The following CDK14 variants were observed in gnomAD, a reference collection of about 807,000 sequenced individuals.
CDK14 encodes cyclin dependent kinase 14.
A neutral mutation model predicts 60.7 loss-of-function variants in CDK14; 34 were observed. The ratio of observed to expected loss-of-function variants is 0.56; its 90% CI spans 0.43 to 0.75. The LOEUF (loss-of-function observed/expected upper bound fraction) is 0.75. Among genes scored for constraint, CDK14 ranks in the 30% least tolerant of loss-of-function variants. The pLI, the probability that CDK14 is intolerant of heterozygous loss-of-function variation, is 0.00. For synonymous variants in CDK14, 197 were observed against 203.7 expected, an observed-to-expected ratio of 0.97 and a Z score of 0.28; for missense variants, 482 against 564.1, an observed-to-expected ratio of 0.85 and a Z score of 1.47.
intron 9 of CDK14, among the ~76,000 whole-genome samples, chr7:90,966,235 GCTT>G (rs1329736482): frequency 6.6e-6 from 1 of 151,736 alleles, no homozygotes; most frequent in African/African-American, 2.4e-5. Context: ...AAAAAAATCA[GCTT>G]CCATATATAA....
intron 2 of CDK14, among the ~76,000 whole-genome samples, chr7:90,707,294 T>C (rs1801919210): frequency 6.6e-6 from 1 of 152,190 alleles, no homozygotes; most frequent in African/African-American, 2.4e-5. Context: ...AGTATAGATT[T>C]TCCCTTTCCA....
At position 90,785,803 on chromosome 7, in the gene CDK14, AAAAGAG is replaced by A. The variant is rs1383746602; in HGVS notation, c.465-4766_465-4761del. Reference sequence around the variant, plus strand: ...CTCCGTCTCAAAAAAAAAAAAAAAAAAAAGAGAAAACTTCTAGACCTTGCTTTACTC... The same window carrying A: ...CTCCGTCTCAAAAAAAAAAAAAAAAAAAAACTTCTAGACCTTGCTTTACTC... On this transcript the variant is annotated intron_variant, in intron 4 of 14. Coordinates refer to ENST00000380050, the MANE Select transcript of CDK14 (RefSeq NM_001287135.2). Among the ~76,000 whole-genome samples the A allele has an allele frequency of 3.3e-5, 5 of 149,318 alleles. No individual in the cohort carries two copies. The Admixed American group carries it at 3.4e-4, about 10-fold the overall frequency.
At chr7:90,918,961 T>G (rs1000719053) in intron 8 of CDK14, among the ~76,000 whole-genome samples, 12 of 152,208 alleles carry the variant, frequency 7.9e-5, no homozygotes, top group Non-Finnish European at 1.3e-4. Context: ...TGAAATTCTG[T>G]GCACATTAGT....
chr7:90,721,611 C>G (rs1802456872), intron 2 of CDK14, among the ~76,000 whole-genome samples: 1 of 152,126 alleles, frequency 6.6e-6, no homozygotes, highest in Admixed American at 6.6e-5. Flanking sequence ...GCACTGTGAA[C>G]TGGAATCTAT....
intron 2 of CDK14, among the ~76,000 whole-genome samples, chr7:90,662,697 C>T (rs987970070): frequency 6.6e-6 from 1 of 152,158 alleles, no homozygotes; most frequent in Non-Finnish European, 1.5e-5. Flanking sequence ...TGCTATGCAC[C>T]ATGAGCTGTT....
chr7:91,197,993 A>C (rs1802601231), intron 14 of CDK14, among the ~76,000 whole-genome samples: 1 of 152,208 alleles, frequency 6.6e-6, no homozygotes, highest in Non-Finnish European at 1.5e-5. Context: ...CGTGTTGTGA[A>C]GCAGGTACAT....
In CDK14 at chr7:90,747,673, A is replaced by AT; in HGVS notation, c.370-3dup. The AT allele has an allele frequency of 6.4e-7, 1 of 1,562,960 alleles. No homozygotes were observed. The highest frequency in any genetic ancestry group is 8.7e-7 in the Non-Finnish European group (1 of 1,148,094). On this transcript the variant is annotated splice_region_variant and splice_polypyrimidine_tract_variant and intron_variant, in intron 3 of 14. Transcript: ENST00000380050. ...ATCTGTTTTGTTTACCCTGTGCTTC[A>AT]TTTTTAGCCAACAAGTCCCAAATTT...
At chr7:90,824,109 C>T (rs1053934099) in intron 5 of CDK14, among the ~76,000 whole-genome samples, 108 of 152,120 alleles carry the variant, frequency 7.1e-4, no homozygotes, top group African/African-American at 2.5e-3. Context: ...GTTATATTAA[C>T]AGATGTAGGT....
Position 90,742,954 on chromosome 7 carries a change from A to G in CDK14, c.370-4727A>G, listed in dbSNP as rs1455687104. 2.0e-5 allele frequency among the ~76,000 whole-genome samples: 3 copies of G among 152,180 alleles called. No individual in the cohort carries two copies. The East Asian group carries it at 5.8e-4, about 29-fold the overall frequency. On this transcript the variant is annotated intron_variant, in intron 3 of 14. Transcript: ENST00000380050. Reference sequence around the variant, plus strand: ...GGAATATACATGAGATATCTTAGGAAGGGGACCCCAAGTCTAAACATTAAA... The same window carrying G: ...GGAATATACATGAGATATCTTAGGAGGGGGACCCCAAGTCTAAACATTAAA...
At chr7:91,048,592 T>G (rs1378127136) in intron 11 of CDK14, among the ~76,000 whole-genome samples, 1 of 152,216 alleles carries the variant, frequency 6.6e-6, no homozygotes, top group African/African-American at 2.4e-5. Context: ...CAAACTGTTG[T>G]CCAAAGGGGT....
chr7:91,110,917 T>C (rs1003823511), intron 12 of CDK14, among the ~76,000 whole-genome samples: 19 of 152,144 alleles, frequency 1.2e-4, no homozygotes, highest in African/African-American at 4.3e-4. Flanking sequence ...GAATGAAAAG[T>C]TGTACTAGTG....
chr7:91,103,844 A>G (rs62468509), intron 12 of CDK14, among the ~76,000 whole-genome samples: 4,376 of 144,822 alleles, frequency 0.03, 219 homozygotes, highest in African/African-American at 0.096. Context: ...GAGAGAGAGA[A>G]AGAGAGAGAG....
chr7:91,126,729 C>A lies in CDK14; in HGVS notation c.*28+8521C>A, dbSNP rs572765160. On this transcript the variant is annotated intron_variant, in intron 14 of 14. Coordinates refer to ENST00000380050, the MANE Select transcript of CDK14 (RefSeq NM_001287135.2). ...ATTCAGTTGTGTCCTAATTTTCCCACCAGTTTTTCAGTGTTTCAGCTGCCT... is the reference window on the plus strand; with the variant it reads ...ATTCAGTTGTGTCCTAATTTTCCCAACAGTTTTTCAGTGTTTCAGCTGCCT... Among the ~76,000 whole-genome samples the A allele has an allele frequency of 4.6e-5, 7 of 152,302 alleles. No homozygotes were observed. In the East Asian group the frequency reaches 1.3e-3, roughly 29 times the overall value.
chr7:91,123,487 T>TA (rs1799845232), intron 14 of CDK14, among the ~76,000 whole-genome samples: 1 of 152,108 alleles, frequency 6.6e-6, no homozygotes, highest in African/African-American at 2.4e-5. Context: ...GACTGCCAAT[T>TA]AAAAAATATA....
At chr7:90,662,665 A>C (rs1301174404) in intron 2 of CDK14, among the ~76,000 whole-genome samples, 1 of 152,244 alleles carries the variant, frequency 6.6e-6, no homozygotes, top group African/African-American at 2.4e-5. Flanking sequence ...AGTACTTGTA[A>C]CAGTGCTTGG....
intron 2 of CDK14, among the ~76,000 whole-genome samples, chr7:90,618,331 T>C (rs1280911598): frequency 1.3e-5 from 2 of 152,186 alleles, no homozygotes; most frequent in African/African-American, 4.8e-5. Context: ...TTTTCTCTCT[T>C]TCTCTCCTTT....
At chr7:90,649,675 T>C (rs1800584932) in intron 2 of CDK14, among the ~76,000 whole-genome samples, 1 of 151,868 alleles carries the variant, frequency 6.6e-6, no homozygotes, top group Non-Finnish European at 1.5e-5. Flanking sequence ...GTGTTCTCAT[T>C]GTTCACTTCC....
intron 2 of CDK14, among the ~76,000 whole-genome samples, chr7:90,664,112 T>C (rs1800922194): frequency 6.6e-6 from 1 of 151,994 alleles, no homozygotes; most frequent in Non-Finnish European, 1.5e-5. Flanking sequence ...AACAACCCCA[T>C]CAAAAAGTGG....
At chr7:91,061,626 C>T (rs1797790050) in intron 11 of CDK14, among the ~76,000 whole-genome samples, 1 of 152,212 alleles carries the variant, frequency 6.6e-6, no homozygotes, top group Non-Finnish European at 1.5e-5. Context: ...ACAGTCAGGA[C>T]CCTCAGCTGC....
Sources: gnomAD v4.1 joint callset for allele counts (sites outside exome capture counted in the v4.1 genomes callset) on GRCh38, gnomAD v4.1.1 for gene constraint, MANE v1.5 for transcripts, NCBI Gene and HGNC (gene_info 2026-07-23, HGNC 2026-07-21) for gene names.